Variants in KCNE3 observed in about 807,000 individuals in gnomAD.
KCNE3 encodes the protein potassium voltage-gated channel subfamily E member 3.
A neutral mutation model predicts 4.3 loss-of-function variants in KCNE3; 2 were observed. That is an observed-to-expected ratio of 0.47 (90% CI 0.19 to 1.48). The LOEUF (loss-of-function observed/expected upper bound fraction) is 1.48, where lower values mean the gene tolerates loss of function less well. Ranked by LOEUF, KCNE3 falls within the 40% of genes most tolerant of loss-of-function variation. The probability of loss-of-function intolerance (pLI) is 0.25; values close to 1 mark genes in which losing one functional copy is unlikely to be tolerated. For missense variants in KCNE3, 128 were observed against 136.8 expected, an observed-to-expected ratio of 0.94 and a Z score of 0.32; for synonymous variants, 47 against 52.0, an observed-to-expected ratio of 0.90 and a Z score of 0.41.
rs750315850 is a variant in KCNE3 at position 74,457,593 on chromosome 11, C to T, written c.-30G>A. 2.6e-5 allele frequency: 41 copies of T among 1,604,268 alleles called. No individual in the cohort carries two copies. The highest frequency in any genetic ancestry group is 3.3e-5 in the Non-Finnish European group (39 of 1,171,380). The stretch of plus-strand genomic sequence containing the variant: ...ACAGGGATTGAGGTGGGGGAAGACT[C>T]GGTAGAAGCTCTGGTGGCAAAAGAA... On this transcript the variant is annotated 5_prime_UTR_variant, in exon 3 of 3. Transcript: ENST00000310128.
chr11:74,461,008 G>T (rs541456713), intron 2 of KCNE3, among the ~76,000 whole-genome samples: 1 of 152,262 alleles, frequency 6.6e-6, no homozygotes, highest in Admixed American at 6.5e-5. Context: ...CTAAGTGAGG[G>T]TTGAAGGAGG....
Position 74,454,918 on chromosome 11 carries a change from G to T in KCNE3, c.*2334C>A, listed in dbSNP as rs961714523. The T allele has an allele frequency of 6.6e-6, 1 of 152,086 alleles. No individual in the cohort carries two copies. Among genetic ancestry groups the T allele is most frequent in the African/African-American group, 2.4e-5 (1 of 41,420 alleles). The allele number at this position is 152,086 out of a possible 1,614,324, so 9.4% of individuals were successfully genotyped here. A position where few individuals can be genotyped will look rare whatever the true frequency, so the allele number is the denominator to read the frequency against. ...ATCCACGTAAATTTCTGAATCTGTT[G>T]TCTTCCCATATGTCACATCTCCTTA... On this transcript the variant is annotated 3_prime_UTR_variant, in exon 3 of 3. Transcript: ENST00000310128.
At position 74,457,034 on chromosome 11, in the gene KCNE3, TA is replaced by T. The variant is rs1467482101; in HGVS notation, c.*217del. 1 of 599,964 alleles carries T rather than the reference TA, an allele frequency of 1.7e-6. No individual in the cohort carries two copies. Among genetic ancestry groups the T allele is most frequent in the African/African-American group, 1.9e-5 (1 of 53,906 alleles). The allele number at this position is 599,964 out of a possible 1,614,324, so 37.2% of individuals were successfully genotyped here. ...TGTTTGTTCATGGGCTCCCACTGTT[TA>T]TAAAGTCTATCTTTTCCTGGGAAAA... On this transcript the variant is annotated 3_prime_UTR_variant, in exon 3 of 3. Transcript: ENST00000310128.
chr11:74,456,109 A>C lies in KCNE3; in HGVS notation c.*1143T>G, dbSNP rs1863804402. The C allele has an allele frequency of 2.1e-5, 3 of 145,272 alleles. No homozygotes were observed. The South Asian group carries it at 6.9e-4, about 33-fold the overall frequency. The allele number at this position is 145,272 out of a possible 1,614,324, so 9.0% of individuals were successfully genotyped here. On this transcript the variant is annotated 3_prime_UTR_variant, in exon 3 of 3. Transcript: ENST00000310128. Reference sequence around the variant, plus strand: ...AATGGGCAGATAACTTGAGGACAGGAGTTCGAGACCAGCCTGGGCAACATG... The same window carrying C: ...AATGGGCAGATAACTTGAGGACAGGCGTTCGAGACCAGCCTGGGCAACATG...
At chr11:74,461,528 C>G (rs1273116795) in intron 2 of KCNE3, among the ~76,000 whole-genome samples, 3 of 151,864 alleles carry the variant, frequency 2.0e-5, no homozygotes, top group Non-Finnish European at 4.4e-5. Context: ...GAGGCTGAGG[C>G]AGGAGAACCG....
chr11:74,466,162 C>T lies in KCNE3; in HGVS notation c.-190+1236G>A, dbSNP rs949495090. Among the ~76,000 whole-genome samples the T allele has an allele frequency of 2.6e-5, 4 of 152,274 alleles. No individual in the cohort carries two copies. In the South Asian group the frequency reaches 6.2e-4, roughly 24 times the overall value. Reference sequence around the variant, plus strand: ...CCCCTACTAGGCCAACACGTCTAGCCGTGCGTTTTGGTTAAGTAACTTTAT... The same window carrying T: ...CCCCTACTAGGCCAACACGTCTAGCTGTGCGTTTTGGTTAAGTAACTTTAT... On this transcript the variant is annotated intron_variant, in intron 1 of 2. Coordinates refer to ENST00000310128, the MANE Select transcript of KCNE3 (RefSeq NM_005472.5).
intron 2 of KCNE3, among the ~76,000 whole-genome samples, chr11:74,459,301 G>A (rs371510254): frequency 2.1e-4 from 26 of 121,122 alleles, no homozygotes; most frequent in African/African-American, 5.6e-4. Flanking sequence ...TCACTCTGTC[G>A]CCCAGGCTGC....
At chr11:74,465,965 G>A (rs11236120) in intron 1 of KCNE3, among the ~76,000 whole-genome samples, 8,015 of 152,136 alleles carry the variant, frequency 0.053, 282 homozygotes, top group Non-Finnish European at 0.072. Flanking sequence ...GCAGCCAGGA[G>A]GTTCTTATTA....
chr11:74,464,550 A>G (rs1440603866), intron 1 of KCNE3, among the ~76,000 whole-genome samples: 1 of 152,160 alleles, frequency 6.6e-6, no homozygotes, highest in Non-Finnish European at 1.5e-5. Context: ...GATCTTCATG[A>G]TCATGTTGTT....
chr11:74,463,125 GC>G (rs1863990202), intron 1 of KCNE3, among the ~76,000 whole-genome samples: 1 of 152,164 alleles, frequency 6.6e-6, no homozygotes, highest in South Asian at 2.1e-4. Flanking sequence ...CAGCTCACCT[GC>G]CAGGATGATC....
Position 74,455,072 on chromosome 11 carries a change from G to A in KCNE3, c.*2180C>T, listed in dbSNP as rs990258105. On this transcript the variant is annotated 3_prime_UTR_variant, in exon 3 of 3. Coordinates refer to ENST00000310128, the MANE Select transcript of KCNE3 (RefSeq NM_005472.5). The stretch of plus-strand genomic sequence containing the variant: ...ATGTGTTCCATGATCCTCCATTCAA[G>A]AACCCAAAGGCTTTTATTTTTATTT... The A allele has an allele frequency of 4.6e-5, 7 of 152,256 alleles. No homozygotes were observed. The highest frequency in any genetic ancestry group is 1.7e-4 in the African/African-American group (7 of 41,546). 9.4% of individuals were successfully genotyped at this position (152,256 alleles called of 1,614,324 possible). A position where few individuals can be genotyped will look rare whatever the true frequency, so the allele number is the denominator to read the frequency against.
intron 2 of KCNE3, among the ~76,000 whole-genome samples, chr11:74,459,156 T>C (rs1863887531): frequency 6.6e-6 from 1 of 152,164 alleles, no homozygotes; most frequent in Non-Finnish European, 1.5e-5. Flanking sequence ...GCCAACTATC[T>C]TGTCTCCTGA....
Position 74,456,961 on chromosome 11 carries a change from T to G in KCNE3, c.*291A>C. The stretch of plus-strand genomic sequence containing the variant: ...TCTCCAATCCCCAGGCCCCTAATAC[T>G]CCAGCCACTGAACCAGTTATTGGTC... On this transcript the variant is annotated 3_prime_UTR_variant, in exon 3 of 3. Transcript: ENST00000310128. 2.2e-6 allele frequency: 1 copy of G among 461,954 alleles called. No individual in the cohort carries two copies. Among genetic ancestry groups the G allele is most frequent in the Non-Finnish European group, 4.0e-6 (1 of 251,906 alleles). The allele number at this position is 461,954 out of a possible 1,614,324, so 28.6% of individuals were successfully genotyped here.
Position 74,455,720 on chromosome 11 carries a change from TTTTG to T in KCNE3, c.*1528_*1531del, listed in dbSNP as rs1313858760. 1.6e-5 allele frequency: 2 copies of T among 125,552 alleles called. No individual in the cohort carries two copies. Among genetic ancestry groups the T allele is most frequent in the Non-Finnish European group, 3.1e-5 (2 of 64,368 alleles). 7.8% of individuals were successfully genotyped at this position (125,552 alleles called of 1,614,324 possible). A position where few individuals can be genotyped will look rare whatever the true frequency, so the allele number is the denominator to read the frequency against. ...ATAATTTAGGTGCGATATCAGTCTTTTTTGTTTTTGTTTTTGTTTTTTTTTGAGA... is the reference window on the plus strand; with the variant it reads ...ATAATTTAGGTGCGATATCAGTCTTTTTTTTGTTTTTGTTTTTTTTTGAGA... On this transcript the variant is annotated 3_prime_UTR_variant, in exon 3 of 3. Transcript: ENST00000310128.
At chr11:74,463,733 G>C (rs1864003553) in intron 1 of KCNE3, among the ~76,000 whole-genome samples, 1 of 152,124 alleles carries the variant, frequency 6.6e-6, no homozygotes, top group Admixed American at 6.5e-5. Flanking sequence ...GGCTCAGAAG[G>C]GAGAAGTGAC....
At chr11:74,464,809 T>A (rs1254089397) in intron 1 of KCNE3, among the ~76,000 whole-genome samples, 1 of 152,236 alleles carries the variant, frequency 6.6e-6, no homozygotes, top group Non-Finnish European at 1.5e-5. Flanking sequence ...ACAGCTCTTT[T>A]CAGTGGCCTG....
At chr11:74,461,806 C>T (rs375348221) in intron 2 of KCNE3, 149 bp downstream of exon 2, 1 of 150,484 alleles carries the variant, frequency 6.6e-6, no homozygotes, top group Non-Finnish European at 1.5e-5. Context: ...AAAGAATGGA[C>T]GCAGCACATA....
At chr11:74,458,154 C>T (rs1315881562) in intron 2 of KCNE3, among the ~76,000 whole-genome samples, 2 of 152,218 alleles carry the variant, frequency 1.3e-5, no homozygotes, top group Admixed American at 6.5e-5. Context: ...TTGTTTTACT[C>T]ACTGCTATAT....
chr11:74,454,898 C>T lies in KCNE3; in HGVS notation c.*2354G>A, dbSNP rs1034215014. 4 of 152,124 alleles carry T rather than the reference C, an allele frequency of 2.6e-5. No homozygotes were observed. Among genetic ancestry groups the T allele is most frequent in the Admixed American group, 6.5e-5 (1 of 15,272 alleles). 9.4% of individuals were successfully genotyped at this position (152,124 alleles called of 1,614,324 possible). A position where few individuals can be genotyped will look rare whatever the true frequency, so the allele number is the denominator to read the frequency against. On this transcript the variant is annotated 3_prime_UTR_variant, in exon 3 of 3. Transcript: ENST00000310128. Reference sequence around the variant, plus strand: ...TGGGTGGTGTCTAAAGTCCTATCCACGTAAATTTCTGAATCTGTTGTCTTC... The same window carrying T: ...TGGGTGGTGTCTAAAGTCCTATCCATGTAAATTTCTGAATCTGTTGTCTTC...
Sources: allele counts gnomAD v4.1 joint callset (sites outside exome capture counted in the v4.1 genomes callset), GRCh38; gene constraint gnomAD v4.1.1; transcripts MANE v1.5; gene names NCBI Gene and HGNC (gene_info 2026-07-23, HGNC 2026-07-21).